ADTRP: variants seen among roughly 807,000 people sequenced by gnomAD.
The protein encoded by ADTRP is androgen dependent TFPI regulating protein, also known as androgen-dependent TFPI-regulating protein.
In ADTRP, 20 loss-of-function variants were observed where a neutral mutation model predicts 27.0. That is an observed-to-expected ratio of 0.74 (90% CI 0.52 to 1.08). The LOEUF is 1.08. Ranked by LOEUF, ADTRP falls within the 50% of genes least tolerant of loss-of-function variation. The pLI is 0.00. For missense variants in ADTRP, 251 were observed against 275.0 expected, an observed-to-expected ratio of 0.91 and a Z score of 0.62; for synonymous variants, 101 against 105.2, an observed-to-expected ratio of 0.96 and a Z score of 0.25.
intron 5 of ADTRP, chr6:11,717,510 G>C (rs867809216): frequency 8.5e-7 from 1 of 1,173,736 alleles, no homozygotes; most frequent in East Asian, 6.8e-5. Flanking sequence ...TAGAAATCAG[G>C]ATAAATAAAA....
chr6:11,729,052 C>T (rs1416623868), intron 4 of ADTRP, among the ~76,000 whole-genome samples: 2 of 152,112 alleles, frequency 1.3e-5, no homozygotes, highest in Admixed American at 6.6e-5. Context: ...GTCTCCTTAT[C>T]CTAAATCTTA....
chr6:11,733,073 A>C (rs767816315), intron 4 of ADTRP, among the ~76,000 whole-genome samples: 1 of 152,040 alleles, frequency 6.6e-6, no homozygotes, highest in Non-Finnish European at 1.5e-5. Flanking sequence ...CCTACTGGAG[A>C]TTTAGTTTTC....
intron 1 of ADTRP, 56 bp downstream of exon 1, chr6:11,778,551 C>A: frequency 6.4e-7 from 1 of 1,552,754 alleles, no homozygotes; most frequent in Non-Finnish European, 8.8e-7. Flanking sequence ...ATATGTGTGG[C>A]AGCACTGATA....
chr6:11,770,591 GGT>G (rs1190372121), intron 1 of ADTRP, among the ~76,000 whole-genome samples: 11 of 152,154 alleles, frequency 7.2e-5, no homozygotes, highest in African/African-American at 2.7e-4. Flanking sequence ...TGGGCCCTGG[GGT>G]GGAGGAGCTT....
chr6:11,727,990 G>GGAGT, intron 4 of ADTRP, among the ~76,000 whole-genome samples: 1 of 142,092 alleles, frequency 7.0e-6, no homozygotes, highest in African/African-American at 2.6e-5. Flanking sequence ...AGGGAGGGAG[G>GGAGT]GAGGGAGGGA....
chr6:11,745,073 G>A (rs1313966736), intron 3 of ADTRP, among the ~76,000 whole-genome samples: 1 of 152,102 alleles, frequency 6.6e-6, no homozygotes, highest in East Asian at 1.9e-4. Flanking sequence ...ACCTATGAGG[G>A]TTTTCTAAAG....
At chr6:11,729,386 C>T (rs79788995) in intron 4 of ADTRP, among the ~76,000 whole-genome samples, 2,314 of 152,204 alleles carry the variant, frequency 0.015, 55 homozygotes, top group African/African-American at 0.053. Context: ...CCCTGAGACA[C>T]CCCCTTCCAG....
At chr6:11,718,495 T>C (rs975158256) in intron 5 of ADTRP, among the ~76,000 whole-genome samples, 2 of 152,200 alleles carry the variant, frequency 1.3e-5, no homozygotes, top group Non-Finnish European at 2.9e-5. Flanking sequence ...GAGCCTTTGA[T>C]AGGATGTCCT....
chr6:11,714,565 G>A, intron 5 of ADTRP, 53 bp from the exon 6 acceptor site: 1 of 1,585,744 alleles, frequency 6.3e-7, no homozygotes, highest in Admixed American at 1.9e-5. Flanking sequence ...TCCCTAATGG[G>A]TATTTTTGTT....
At chr6:11,751,691 GATCC>G (rs1763061396) in intron 3 of ADTRP, among the ~76,000 whole-genome samples, 1 of 152,176 alleles carries the variant, frequency 6.6e-6, no homozygotes, top group Non-Finnish European at 1.5e-5. Flanking sequence ...TCCGTTCTGA[GATCC>G]TATTTCTTCT....
intron 3 of ADTRP, among the ~76,000 whole-genome samples, chr6:11,751,498 C>CT (rs1763052998): frequency 6.6e-6 from 1 of 152,162 alleles, no homozygotes; most frequent in African/African-American, 2.4e-5. Context: ...ACATAGGTCA[C>CT]TATCTGTAGC....
chr6:11,778,762 C>G lies in ADTRP; in HGVS notation c.-3G>C. On this transcript the variant is annotated 5_prime_UTR_variant, in exon 1 of 6. Coordinates refer to ENST00000414691, the MANE Select transcript of ADTRP (RefSeq NM_032744.4). ...ATGCATGTAGAAGTCTTCGTCATGG[C>G]GAGTGCTGACCGGGGCACCGTGAAT... is the stretch of plus-strand genomic sequence containing the variant. The G allele has an allele frequency of 5.0e-6, 8 of 1,613,214 alleles. No individual in the cohort carries two copies. The Middle Eastern group carries it at 5.0e-4, about 100-fold the overall frequency.
intron 4 of ADTRP, among the ~76,000 whole-genome samples, chr6:11,725,211 A>G (rs1487058642): frequency 6.6e-6 from 1 of 152,316 alleles, no homozygotes; most frequent in East Asian, 1.9e-4. Context: ...GCAACAAAGG[A>G]CACAATAAAC....
intron 3 of ADTRP, among the ~76,000 whole-genome samples, chr6:11,757,276 C>T (rs964595121): frequency 1.4e-4 from 22 of 152,252 alleles, no homozygotes; most frequent in African/African-American, 5.3e-4. Flanking sequence ...ATGGCAACAT[C>T]TCTTAAATCC....
chr6:11,715,912 A>T (rs1019169949), intron 5 of ADTRP, among the ~76,000 whole-genome samples: 1 of 141,542 alleles, frequency 7.1e-6, no homozygotes, highest in Non-Finnish European at 1.5e-5. Flanking sequence ...ACCACAAGGG[A>T]TCCTCCCATC....
At chr6:11,764,902 A>G (rs1490322176) in intron 3 of ADTRP, among the ~76,000 whole-genome samples, 1 of 151,356 alleles carries the variant, frequency 6.6e-6, no homozygotes, top group Non-Finnish European at 1.5e-5. Flanking sequence ...CTTAAAAAAA[A>G]AAAAAAAAAA....
At chr6:11,754,657 G>C (rs958381564) in intron 3 of ADTRP, among the ~76,000 whole-genome samples, 5 of 152,202 alleles carry the variant, frequency 3.3e-5, no homozygotes, top group African/African-American at 1.2e-4. Context: ...TTTCCAATTA[G>C]GCATAAGTGG....
chr6:11,751,718 C>T (rs1763062114), intron 3 of ADTRP, among the ~76,000 whole-genome samples: 1 of 152,172 alleles, frequency 6.6e-6, no homozygotes, highest in African/African-American at 2.4e-5. Context: ...CTAGAGTATT[C>T]CCTTTAGCAT....
Position 11,714,351 on chromosome 6 carries a change from T to G in ADTRP, c.*127A>C. 1 of 1,062,786 alleles carries G rather than the reference T, an allele frequency of 9.4e-7. No homozygotes were observed. The highest frequency in any genetic ancestry group is 1.4e-6 in the Non-Finnish European group (1 of 733,246). The allele number at this position is 1,062,786 out of a possible 1,614,324, so 65.8% of individuals were successfully genotyped here. A position where few individuals can be genotyped will look rare whatever the true frequency, so the allele number is the denominator to read the frequency against. On this transcript the variant is annotated 3_prime_UTR_variant, in exon 6 of 6. Transcript: ENST00000414691. ...TCACGAACCTCTTATTAAATTTAAG[T>G]ATCACTCTCTGTCCCTCCTACTTTG...
Sources: allele counts gnomAD v4.1 joint callset (sites outside exome capture counted in the v4.1 genomes callset), GRCh38; gene constraint gnomAD v4.1.1; transcripts MANE v1.5; gene names NCBI Gene and HGNC (gene_info 2026-07-23, HGNC 2026-07-21).